KCNT2: variants seen among roughly 807,000 people sequenced by gnomAD.
The protein encoded by KCNT2 is potassium channel subfamily T member 2.
Under a neutral mutation model 153.8 loss-of-function variants are expected in KCNT2, and 67 were observed. The ratio of observed to expected loss-of-function variants is 0.44; its 90% CI spans 0.36 to 0.53. The LOEUF is 0.53. Among genes scored for constraint, KCNT2 ranks in the 20% least tolerant of loss-of-function variants. The pLI is 0.00. For missense variants in KCNT2, 975 were observed against 1,354.8 expected (o/e 0.72, Z 4.40); for synonymous variants, 500 against 458.8 (o/e 1.09, Z -1.15).
intron 1 of KCNT2, among the ~76,000 whole-genome samples, chr1:196,552,618 C>G (rs1436054297): frequency 6.6e-6 from 1 of 151,334 alleles, no homozygotes; most frequent in African/African-American, 2.4e-5. Flanking sequence ...ACAGAAAACA[C>G]AGAATAATGT....
At chr1:196,534,469 C>T (rs1377482161) in intron 1 of KCNT2, among the ~76,000 whole-genome samples, 1 of 152,076 alleles carries the variant, frequency 6.6e-6, no homozygotes. Flanking sequence ...AGACTAATTA[C>T]TTGAGCTGAA....
intron 14 of KCNT2, among the ~76,000 whole-genome samples, chr1:196,349,358 C>T (rs982889731): frequency 3.9e-5 from 6 of 152,114 alleles, no homozygotes; most frequent in African/African-American, 7.2e-5. Flanking sequence ...AAATCCAACC[C>T]AGGCCTATCA....
chr1:196,379,797 C>A (rs1305216474), intron 13 of KCNT2, among the ~76,000 whole-genome samples: 2 of 151,966 alleles, frequency 1.3e-5, no homozygotes, highest in African/African-American at 4.8e-5. Flanking sequence ...AGGCCATGGG[C>A]AAATTTCTTA....
chr1:196,505,959 C>A (rs1415729426), intron 1 of KCNT2, among the ~76,000 whole-genome samples: 1 of 152,062 alleles, frequency 6.6e-6, no homozygotes, highest in Non-Finnish European at 1.5e-5. Context: ...GCTGAAGTTG[C>A]TTATCAGCTT....
intron 1 of KCNT2, among the ~76,000 whole-genome samples, chr1:196,518,549 ACT>A (rs1382301831): frequency 6.6e-6 from 1 of 151,960 alleles, no homozygotes; most frequent in Non-Finnish European, 1.5e-5. Context: ...ATGCAATGAC[ACT>A]GATAGGATCA....
intron 1 of KCNT2, among the ~76,000 whole-genome samples, chr1:196,519,604 A>G (rs1273282100): frequency 6.6e-6 from 1 of 152,118 alleles, no homozygotes; most frequent in African/African-American, 2.4e-5. Context: ...GAAACAACAA[A>G]GGAGATATTA....
intron 8 of KCNT2, among the ~76,000 whole-genome samples, chr1:196,461,427 A>G (rs1677144961): frequency 6.6e-6 from 1 of 151,792 alleles, no homozygotes; most frequent in South Asian, 2.1e-4. Flanking sequence ...AACATAATAT[A>G]GTTTCTTATG....
chr1:196,573,301 T>A (rs1309220863), intron 1 of KCNT2, among the ~76,000 whole-genome samples: 1 of 151,984 alleles, frequency 6.6e-6, no homozygotes, highest in Non-Finnish European at 1.5e-5. Context: ...AAGATATTTG[T>A]GTGTGTGTGT....
chr1:196,596,799 T>C (rs1054825571), intron 1 of KCNT2, among the ~76,000 whole-genome samples: 2 of 152,232 alleles, frequency 1.3e-5, no homozygotes, highest in Middle Eastern at 3.4e-3. Context: ...CCTCCCAAGC[T>C]GAAGCGATCC....
At chr1:196,372,664 T>C (rs1668635826) in intron 14 of KCNT2, among the ~76,000 whole-genome samples, 1 of 151,962 alleles carries the variant, frequency 6.6e-6, no homozygotes, top group African/African-American at 2.4e-5. Context: ...TTTATACAAC[T>C]ACTTTGTTAT....
At chr1:196,445,058 TATCTC>T (rs1281533059) in intron 8 of KCNT2, among the ~76,000 whole-genome samples, 2 of 151,404 alleles carry the variant, frequency 1.3e-5, no homozygotes, top group African/African-American at 2.4e-5. Flanking sequence ...TTATTTTACT[TATCTC>T]ATTCAGCCCT....
chr1:196,232,301 C>G (rs1654024827), intron 27 of KCNT2, among the ~76,000 whole-genome samples: 1 of 151,656 alleles, frequency 6.6e-6, no homozygotes, highest in African/African-American at 2.4e-5. Flanking sequence ...AATGTTGCTT[C>G]TTCATTTAAA....
chr1:196,608,092 C>T (rs1309285269), intron 1 of KCNT2, 123 bp downstream of exon 1: 17 of 823,024 alleles, frequency 2.1e-5, no homozygotes, highest in Admixed American at 5.4e-5. Flanking sequence ...TACTCCCTCC[C>T]CCAGCCTAGT....
At chr1:196,603,919 G>A (rs936095307) in intron 1 of KCNT2, among the ~76,000 whole-genome samples, 6 of 152,202 alleles carry the variant, frequency 3.9e-5, no homozygotes, top group Admixed American at 6.5e-5. Flanking sequence ...TTTAAAACCT[G>A]TAACTTATCA....
At position 196,371,213 on chromosome 1, in the gene KCNT2, G is replaced by A. The variant is rs559933352; in HGVS notation, c.1403+1927C>T. Among the ~76,000 whole-genome samples, 64 of 74,996 alleles carry A rather than the reference G, an allele frequency of 8.5e-4. 1 individual carries two copies. The East Asian group carries it at 0.012, about 14-fold the overall frequency. The allele number at this position is 74,996 out of a possible 152,430, so 49.2% of individuals were successfully genotyped here. A position where few individuals can be genotyped will look rare whatever the true frequency, so the allele number is the denominator to read the frequency against. On this transcript the variant is annotated intron_variant, in intron 14 of 27. Coordinates refer to ENST00000294725, the MANE Select transcript of KCNT2 (RefSeq NM_198503.5). The stretch of plus-strand genomic sequence containing the variant: ...AGCCTGGGCAACATGGCAAAATCCC[G>A]TCACTACAAAAAAAAAAAAAAAAAA...
chr1:196,261,679 G>A (rs1219900188), intron 25 of KCNT2, among the ~76,000 whole-genome samples: 4 of 151,778 alleles, frequency 2.6e-5, no homozygotes, highest in Non-Finnish European at 5.9e-5. Flanking sequence ...AAGATTTCTT[G>A]GTTAAAGTTT....
At chr1:196,549,372 G>T (rs1657590498) in intron 1 of KCNT2, among the ~76,000 whole-genome samples, 1 of 151,838 alleles carries the variant, frequency 6.6e-6, no homozygotes, top group South Asian at 2.1e-4. Context: ...CCCCACACTA[G>T]AGAGTGAGAA....
At position 196,340,716 on chromosome 1, in the gene KCNT2, T is replaced by A. The variant is rs1028273194; in HGVS notation, c.1554-146A>T. ...CTCATTTTTACAGGAAAATAAACTA[T>A]GTGCTTAGTGTGTTGTAAAACCAAT... On this transcript the variant is annotated intron_variant, in intron 15 of 27. Coordinates refer to ENST00000294725, the MANE Select transcript of KCNT2 (RefSeq NM_198503.5). 4 of 581,798 alleles carry A rather than the reference T, an allele frequency of 6.9e-6. No homozygotes were observed. In the East Asian group the frequency reaches 1.1e-4, roughly 17 times the overall value. 36.0% of individuals were successfully genotyped at this position (581,798 alleles called of 1,614,324 possible). A position where few individuals can be genotyped will look rare whatever the true frequency, so the allele number is the denominator to read the frequency against.
chr1:196,296,621 A>C (rs1660698759), intron 22 of KCNT2, among the ~76,000 whole-genome samples: 1 of 152,108 alleles, frequency 6.6e-6, no homozygotes. Context: ...AGAATCTCTC[A>C]AGTAATTCCT....
Sources: gnomAD v4.1 joint callset for allele counts (sites outside exome capture counted in the v4.1 genomes callset) on GRCh38, gnomAD v4.1.1 for gene constraint, MANE v1.5 for transcripts, NCBI Gene and HGNC (gene_info 2026-07-23, HGNC 2026-07-21) for gene names.